The following LTV1 variants were observed in gnomAD, a reference collection of about 807,000 sequenced individuals.
The protein encoded by LTV1 is LTV1 ribosome biogenesis factor, also known as protein LTV1 homolog.
In LTV1, 39 loss-of-function variants were observed where a neutral mutation model predicts 59.9. The ratio of observed to expected loss-of-function variants is 0.65; its 90% CI spans 0.50 to 0.85. The LOEUF is 0.85. LTV1 is among the 40% of genes least tolerant of loss of function. The pLI, the probability that LTV1 is intolerant of heterozygous loss-of-function variation, is 0.00. For missense variants in LTV1, 493 were observed against 549.1 expected, an observed-to-expected ratio of 0.90 and a Z score of 1.02; for synonymous variants, 171 against 189.5, an observed-to-expected ratio of 0.90 and a Z score of 0.80.
chr6:143,855,629 G>T lies in LTV1; in HGVS notation c.398-1674G>T, dbSNP rs771862389. Among the ~76,000 whole-genome samples the T allele has an allele frequency of 8.5e-5, 13 of 152,240 alleles. No individual in the cohort carries two copies. Among genetic ancestry groups the T allele is most frequent in the Non-Finnish European group, 1.5e-4 (10 of 68,006 alleles). ...TGCTTCCTTCAGGAGCTCTTGTAAG[G>T]CAGGCCTGGTGGTGACAAAATCTCT... On this transcript the variant is annotated intron_variant, in intron 4 of 10. Transcript: ENST00000367576. This position sits in a 1 kb window ranked among gnomAD's most constrained non-coding sequence, Gnocchi z 4.6.
At chr6:143,856,036 G>T (rs564750607) in intron 4 of LTV1, among the ~76,000 whole-genome samples, 1 of 152,202 alleles carries the variant, frequency 6.6e-6, no homozygotes, top group African/African-American at 2.4e-5. Flanking sequence ...TTTTCAACTT[G>T]GTTCCATTCT....
intron 4 of LTV1, among the ~76,000 whole-genome samples, chr6:143,852,531 T>C (rs1050801701): frequency 6.6e-6 from 1 of 152,226 alleles, no homozygotes; most frequent in Non-Finnish European, 1.5e-5. Context: ...CTGTTGACTC[T>C]GATGATAGTT....
chr6:143,843,983 A>G (rs1403010976), intron 1 of LTV1, among the ~76,000 whole-genome samples: 9 of 152,226 alleles, frequency 5.9e-5, no homozygotes, highest in Non-Finnish European at 1.5e-5. Context: ...GAATGTAGAA[A>G]GAGGTGATGG....
chr6:143,862,585 T>TA lies in LTV1; in HGVS notation c.1064-250dup, dbSNP rs1312162190. ...TGGGCAACAAGAGCAAAACTCTGTC[T>TA]AAAAAAAAACATATATCAACTTTGA... On this transcript the variant is annotated intron_variant, in intron 8 of 10. Coordinates refer to ENST00000367576, the MANE Select transcript of LTV1 (RefSeq NM_032860.5). The surrounding 1 kb of genome is among the most constrained non-coding windows in gnomAD (Gnocchi z 4.2). Among the ~76,000 whole-genome samples the TA allele has an allele frequency of 6.6e-5, 10 of 151,066 alleles. No homozygotes were observed. Among genetic ancestry groups the TA allele is most frequent in the South Asian group, 6.3e-4 (3 of 4,780 alleles).
rs1316842921 is a variant in LTV1, at chr6:143,855,788, T to C, written c.398-1515T>C. 6.6e-6 allele frequency among the ~76,000 whole-genome samples: 1 copy of C among 152,258 alleles called. No individual in the cohort carries two copies. Among genetic ancestry groups the C allele is most frequent in the African/African-American group, 2.4e-5 (1 of 41,470 alleles). On this transcript the variant is annotated intron_variant, in intron 4 of 10. Transcript: ENST00000367576. This position sits in a 1 kb window ranked among gnomAD's most constrained non-coding sequence, Gnocchi z 4.6. ...TATTGGCCCCCACTTTCTTCTGACT[T>C]GTACGGTTTCTGCTGAGAGATCCAC... is the stretch of plus-strand genomic sequence containing the variant.
chr6:143,863,407 C>T lies in LTV1; in HGVS notation c.1318-10C>T, dbSNP rs112270192. On this transcript the variant is annotated splice_polypyrimidine_tract_variant and intron_variant, in intron 10 of 10. Transcript: ENST00000367576. This position sits in a 1 kb window ranked among gnomAD's most constrained non-coding sequence, Gnocchi z 4.5. ...TGAATAATACAAGTATATTCTTGTA[C>T]TTATAACAGGAACGAAGAGTGGAGA... is the stretch of plus-strand genomic sequence containing the variant. 58 of 1,603,608 alleles carry T rather than the reference C, an allele frequency of 3.6e-5. 1 individual carries two copies. The African/African-American group carries it at 6.3e-4, about 17-fold the overall frequency.
chr6:143,843,544 C>G (rs1776837317), intron 1 of LTV1, 64 bp downstream of exon 1: 5 of 1,605,910 alleles, frequency 3.1e-6, no homozygotes, highest in Middle Eastern at 3.3e-4. Flanking sequence ...AGGCTGCTTC[C>G]GGTAATACCT....
Position 143,861,691 on chromosome 6 carries a change from T to G in LTV1, c.924-413T>G, listed in dbSNP as rs754109802. On this transcript the variant is annotated intron_variant, in intron 7 of 10. Coordinates refer to ENST00000367576, the MANE Select transcript of LTV1 (RefSeq NM_032860.5). The stretch of plus-strand genomic sequence containing the variant: ...GTGACTCTTCTCTGAGAGAAACTGA[T>G]GAAGTGTTCAAATCAGCTAGAAAGG... 2.6e-5 allele frequency among the ~76,000 whole-genome samples: 4 copies of G among 152,302 alleles called. No homozygotes were observed. The East Asian group carries it at 7.7e-4, about 29-fold the overall frequency.
chr6:143,843,368 C>A lies in LTV1; in HGVS notation c.-110C>A, dbSNP rs912586281. On this transcript the variant is annotated 5_prime_UTR_variant, in exon 1 of 11. Transcript: ENST00000367576. ...GTTATCGCCGGGTCCTGGGGCTGCACGTGTGGTGAGGCCTACAGAAGCGGC... is the reference window on the plus strand; with the variant it reads ...GTTATCGCCGGGTCCTGGGGCTGCAAGTGTGGTGAGGCCTACAGAAGCGGC... The A allele has an allele frequency of 6.0e-6, 8 of 1,330,780 alleles. No individual in the cohort carries two copies. Among genetic ancestry groups the A allele is most frequent in the South Asian group, 1.2e-5 (1 of 85,542 alleles). 82.4% of individuals were successfully genotyped at this position (1,330,780 alleles called of 1,614,324 possible).
In LTV1 at chr6:143,860,467, T is replaced by C; in HGVS notation, c.837T>C (p.Asp279=). 6.2e-7 allele frequency: 1 copy of C among 1,613,636 alleles called. No individual in the cohort carries two copies. The highest frequency in any genetic ancestry group is 8.5e-7 in the Non-Finnish European group (1 of 1,179,696). ...ATGATGATGAAATTGGAGCTCTGGA[T>C]AATGCAGAATTGGAAGGTTCTATTC... ...QYDDDEIGAL[D]NAELEGSIQV... is the part of the protein sequence containing the mutation. The change falls in exon 7 of 11, where the codon GAT becomes GAC. Residue 279 remains aspartate (D), a synonymous_variant. Transcript: ENST00000367576.
chr6:143,852,935 T>C (rs1385191556), intron 4 of LTV1, among the ~76,000 whole-genome samples: 1 of 152,240 alleles, frequency 6.6e-6, no homozygotes, highest in Non-Finnish European at 1.5e-5. Flanking sequence ...TATATATCTG[T>C]TTTGGTACCA....
rs1777055026 is a variant in LTV1, at chr6:143,855,214, G to GT, written c.398-2083dup. 6.6e-6 allele frequency among the ~76,000 whole-genome samples: 1 copy of GT among 151,940 alleles called. No homozygotes were observed. Among genetic ancestry groups the GT allele is most frequent in the Non-Finnish European group, 1.5e-5 (1 of 67,956 alleles). ...ACTATTATGTAATGCCCTTCTTTGTGTTTTTTGATCTTTGTTGGTTTAGAG... is the reference window on the plus strand; with the variant it reads ...ACTATTATGTAATGCCCTTCTTTGTGTTTTTTTGATCTTTGTTGGTTTAGAG... On this transcript the variant is annotated intron_variant, in intron 4 of 10. Coordinates refer to ENST00000367576, the MANE Select transcript of LTV1 (RefSeq NM_032860.5). This position sits in a 1 kb window ranked among gnomAD's most constrained non-coding sequence, Gnocchi z 4.6.
chr6:143,851,847 G>C (rs1202370812), intron 4 of LTV1, among the ~76,000 whole-genome samples: 1 of 152,094 alleles, frequency 6.6e-6, no homozygotes, highest in East Asian at 1.9e-4. Context: ...TCCTGTGTTA[G>C]TTTGCTGAGA....
At chr6:143,850,072 TAC>T in intron 3 of LTV1, 57 bp from the exon 4 acceptor site, 1 of 1,366,254 alleles carries the variant, frequency 7.3e-7, no homozygotes, top group East Asian at 2.3e-5. Context: ...TTCAACCCGG[TAC>T]ACTAGTTAAG....
Position 143,846,189 on chromosome 6 carries a change from A to C in LTV1, c.274A>C (p.Arg92=). The part of the protein sequence containing the change: ...IPSSTFSAHN[R]REEKEETLVI... ...CTCAAGTACCTTCAGTGCACACAAC[A>C]GGAGAGAGGAGAAAGAAGAAACGCT... is the stretch of plus-strand genomic sequence containing the variant. The change falls in exon 3 of 11, where the codon AGG becomes CGG. Residue 92 remains arginine, a synonymous_variant. Transcript: ENST00000367576. The C allele has an allele frequency of 6.2e-7, 1 of 1,612,922 alleles. No individual in the cohort carries two copies. Among genetic ancestry groups the C allele is most frequent in the Non-Finnish European group, 8.5e-7 (1 of 1,179,656 alleles).
chr6:143,845,321 G>T (rs1776873884), intron 2 of LTV1, among the ~76,000 whole-genome samples: 1 of 152,004 alleles, frequency 6.6e-6, no homozygotes, highest in Non-Finnish European at 1.5e-5. Flanking sequence ...TAGCTTTTCA[G>T]TAAAGCCAGT....
chr6:143,855,390 CTT>C lies in LTV1; in HGVS notation c.398-1911_398-1910del, dbSNP rs1349147036. Among the ~76,000 whole-genome samples the C allele has an allele frequency of 1.3e-5, 2 of 152,108 alleles. No individual in the cohort carries two copies. The highest frequency in any genetic ancestry group is 6.5e-5 in the Admixed American group (1 of 15,270). On this transcript the variant is annotated intron_variant, in intron 4 of 10. Coordinates refer to ENST00000367576, the MANE Select transcript of LTV1 (RefSeq NM_032860.5). The surrounding 1 kb of genome is among the most constrained non-coding windows in gnomAD (Gnocchi z 4.6). Reference sequence around the variant, plus strand: ...TACAGCACACTGATGGGTCTTGACTCTTTATCCAATTTGCCAATCTGTGTCTT... The same window carrying C: ...TACAGCACACTGATGGGTCTTGACTCTATCCAATTTGCCAATCTGTGTCTT...
At position 143,846,149 on chromosome 6, in the gene LTV1, T is replaced by A; in HGVS notation, c.234T>A (p.Pro78=). 6.2e-7 allele frequency: 1 copy of A among 1,614,214 alleles called. No homozygotes were observed. The highest frequency in any genetic ancestry group is 1.1e-5 in the South Asian group (1 of 91,088). The part of the protein sequence containing the change: ...YLQHLKEPSG[P]SELIPSSTFS... Reference sequence around the variant, plus strand: ...AGCACCTGAAGGAACCATCTGGGCCTTCAGAGCTTATTCCCTCAAGTACCT... The same window carrying A: ...AGCACCTGAAGGAACCATCTGGGCCATCAGAGCTTATTCCCTCAAGTACCT... Residue 78 remains proline (P), a synonymous_variant, in exon 3 of 11, where the codon CCT becomes CCA. Coordinates refer to ENST00000367576, the MANE Select transcript of LTV1 (RefSeq NM_032860.5).
intron 2 of LTV1, 61 bp downstream of exon 2, chr6:143,844,678 T>G (rs1004490687): frequency 6.5e-7 from 1 of 1,538,116 alleles, no homozygotes; most frequent in African/African-American, 1.4e-5. Context: ...TTTTCTTTTT[T>G]TTTTTTTAAA....
Sources: gnomAD v4.1 joint callset for allele counts (sites outside exome capture counted in the v4.1 genomes callset) on GRCh38, gnomAD v4.1.1 for gene constraint, Gnocchi (gnomAD v3.1) non-coding constraint, MANE v1.5 for transcripts, NCBI Gene and HGNC (gene_info 2026-07-23, HGNC 2026-07-21) for gene names.